The following ADCY2 variants were observed in gnomAD, a reference collection of about 807,000 sequenced individuals.
ADCY2 encodes the protein adenylate cyclase type 2.
A neutral mutation model predicts 125.2 loss-of-function variants in ADCY2; 31 were observed. That is an observed-to-expected ratio of 0.25 (90% CI 0.19 to 0.33). ADCY2 has a LOEUF of 0.33. Ranked by LOEUF, ADCY2 falls within the 10% of genes least tolerant of loss-of-function variation. ADCY2 has a pLI of 1.00. For missense variants in ADCY2, 904 were observed against 1,418.2 expected, an observed-to-expected ratio of 0.64 and a Z score of 5.82; for synonymous variants, 512 against 548.4, an observed-to-expected ratio of 0.93 and a Z score of 0.93.
intron 2 of ADCY2, among the ~76,000 whole-genome samples, chr5:7,418,020 T>G (rs188335317): frequency 5.4e-4 from 82 of 152,338 alleles, no homozygotes; most frequent in Admixed American, 1.4e-3. Flanking sequence ...TATTTTGTTT[T>G]TTTGACACCA....
chr5:7,757,342 C>T, intron 15 of ADCY2, 107 bp from the exon 16 acceptor site: 1 of 1,398,940 alleles, frequency 7.1e-7, no homozygotes, highest in African/African-American at 1.4e-5. Context: ...CATGTTTAGT[C>T]TATGAACAAT....
intron 2 of ADCY2, among the ~76,000 whole-genome samples, chr5:7,448,554 G>A (rs1259171662): frequency 6.6e-6 from 1 of 151,814 alleles, no homozygotes; most frequent in Non-Finnish European, 1.5e-5. Flanking sequence ...CGTGTGCCAT[G>A]GCAGTTTGCT....
At chr5:7,643,813 G>GT (rs148419727) in intron 4 of ADCY2, among the ~76,000 whole-genome samples, 37 of 149,538 alleles carry the variant, frequency 2.5e-4, no homozygotes, top group African/African-American at 6.4e-4. Context: ...TTTTATTTTA[G>GT]TTTTTTTTTA....
chr5:7,590,397 A>G (rs548246522), intron 3 of ADCY2, among the ~76,000 whole-genome samples: 2 of 152,366 alleles, frequency 1.3e-5, no homozygotes, highest in Admixed American at 6.5e-5. Flanking sequence ...ATTAGATTAC[A>G]TTTAAATGTT....
chr5:7,474,664 G>A (rs1156419053), intron 2 of ADCY2, among the ~76,000 whole-genome samples: 2 of 152,242 alleles, frequency 1.3e-5, no homozygotes, highest in Non-Finnish European at 1.5e-5. Context: ...GAGGAGAAGT[G>A]CAAGACAGGG....
intron 3 of ADCY2, among the ~76,000 whole-genome samples, chr5:7,528,923 G>C (rs1734556699): frequency 6.6e-6 from 1 of 152,188 alleles, no homozygotes; most frequent in Non-Finnish European, 1.5e-5. Context: ...GTAAGACAAT[G>C]AGAAAATCAG....
In ADCY2 at chr5:7,690,853, C is replaced by T. The variant is rs763174449; in HGVS notation, c.869+14C>T. The T allele has an allele frequency of 4.5e-6, 7 of 1,542,862 alleles. No homozygotes were observed. Among genetic ancestry groups the T allele is most frequent in the South Asian group, 2.5e-5 (2 of 79,198 alleles). On this transcript the variant is annotated intron_variant, in intron 5 of 24. Coordinates refer to ENST00000338316, the MANE Select transcript of ADCY2 (RefSeq NM_020546.3). The stretch of plus-strand genomic sequence containing the variant: ...TACAAACGTGAGGTACGACGCTATG[C>T]TTGCTCCTTGGCTGGTCTGGGAGTC...
chr5:7,402,716 G>A (rs1210987926), intron 1 of ADCY2, among the ~76,000 whole-genome samples: 1 of 152,148 alleles, frequency 6.6e-6, no homozygotes, highest in East Asian at 1.9e-4. Flanking sequence ...CTGGAAATGG[G>A]AAAGTTCAAT....
At chr5:7,577,168 A>G (rs1736277353) in intron 3 of ADCY2, among the ~76,000 whole-genome samples, 1 of 152,176 alleles carries the variant, frequency 6.6e-6, no homozygotes, top group Non-Finnish European at 1.5e-5. Flanking sequence ...TACCCAGAGA[A>G]ATGTGGTTGT....
rs764312235 is a variant in ADCY2 at position 7,829,330 on chromosome 5, G to C, written c.*2459G>C. ...TTTTGCAGGTGAGGAAACAGGGGCAGAGTAATTCAGGCACATGTGTTCAGA... is the reference window on the plus strand; with the variant it reads ...TTTTGCAGGTGAGGAAACAGGGGCACAGTAATTCAGGCACATGTGTTCAGA... On this transcript the variant is annotated 3_prime_UTR_variant, in exon 25 of 25. Coordinates refer to ENST00000338316, the MANE Select transcript of ADCY2 (RefSeq NM_020546.3). 1 of 152,698 alleles carries C rather than the reference G, an allele frequency of 6.5e-6. No homozygotes were observed. Among genetic ancestry groups the C allele is most frequent in the Non-Finnish European group, 1.5e-5 (1 of 68,102 alleles). 9.5% of individuals were successfully genotyped at this position (152,698 alleles called of 1,614,324 possible).
chr5:7,721,244 G>T (rs1403476229), intron 12 of ADCY2, among the ~76,000 whole-genome samples: 1 of 152,098 alleles, frequency 6.6e-6, no homozygotes, highest in East Asian at 1.9e-4. Context: ...TGATGGGGTT[G>T]TTTGATTTTT....
intron 15 of ADCY2, 150 bp from the exon 16 acceptor site, chr5:7,757,299 T>A: frequency 1.0e-6 from 1 of 977,914 alleles, no homozygotes; most frequent in Admixed American, 2.5e-5. Context: ...GGTTTGTGAC[T>A]TCGTATGGGT....
chr5:7,433,403 C>A (rs1351312834), intron 2 of ADCY2, among the ~76,000 whole-genome samples: 2 of 152,016 alleles, frequency 1.3e-5, no homozygotes, highest in Non-Finnish European at 2.9e-5. Flanking sequence ...CTTAAAAAAA[C>A]CATACATGGT....
At chr5:7,512,569 A>G (rs1213040243) in intron 2 of ADCY2, among the ~76,000 whole-genome samples, 1 of 152,186 alleles carries the variant, frequency 6.6e-6, no homozygotes, top group Non-Finnish European at 1.5e-5. Context: ...ACAGAGATTC[A>G]TTGGAGTTGG....
intron 3 of ADCY2, among the ~76,000 whole-genome samples, chr5:7,581,146 A>G (rs924619709): frequency 6.6e-6 from 1 of 152,232 alleles, no homozygotes; most frequent in African/African-American, 2.4e-5. Flanking sequence ...TGGAAATTGT[A>G]AAATGTTTGT....
At chr5:7,702,662 A>G (rs1027399995) in intron 7 of ADCY2, among the ~76,000 whole-genome samples, 16 of 152,186 alleles carry the variant, frequency 1.1e-4, no homozygotes, top group Admixed American at 9.8e-4. Context: ...AGTCTTTGCT[A>G]TTGTGAATAG....
chr5:7,464,120 T>C (rs975850587), intron 2 of ADCY2, among the ~76,000 whole-genome samples: 1 of 152,216 alleles, frequency 6.6e-6, no homozygotes. Context: ...TTCCCAAATA[T>C]ATCCTGTATA....
Position 7,573,605 on chromosome 5 carries a change from T to C in ADCY2, c.571-52562T>C, listed in dbSNP as rs1312999405. ...CAGGGTTGATTTTCTTTTTTTTTTT[T>C]TTTTTTTTTTTTTGAGAAAAAAAGC... On this transcript the variant is annotated intron_variant, in intron 3 of 24. Transcript: ENST00000338316. Among the ~76,000 whole-genome samples, 6 of 146,062 alleles carry C rather than the reference T, an allele frequency of 4.1e-5. 1 individual carries two copies. Among genetic ancestry groups the C allele is most frequent in the East Asian group, 2.0e-4 (1 of 5,128 alleles).
chr5:7,533,628 A>T (rs1318330899), intron 3 of ADCY2, among the ~76,000 whole-genome samples: 1 of 151,886 alleles, frequency 6.6e-6, no homozygotes, highest in Admixed American at 6.6e-5. Flanking sequence ...CTCTCCCTCT[A>T]TGTGTCTGAT....
Sources: allele counts gnomAD v4.1 joint callset (sites outside exome capture counted in the v4.1 genomes callset), GRCh38; gene constraint gnomAD v4.1.1; transcripts MANE v1.5; gene names NCBI Gene and HGNC (gene_info 2026-07-23, HGNC 2026-07-21).